LINGO2: variants seen among roughly 807,000 people sequenced by gnomAD.
The protein encoded by LINGO2 is leucine rich repeat and Ig domain containing 2, also known as leucine-rich repeat and immunoglobulin-like domain-containing nogo receptor-interacting protein 2.
In LINGO2, 14 loss-of-function variants were observed where a neutral mutation model predicts 30.6. The ratio of observed to expected loss-of-function variants is 0.46; its 90% CI spans 0.30 to 0.72. The LOEUF is 0.72. Among genes scored for constraint, LINGO2 ranks in the 30% least tolerant of loss-of-function variants. LINGO2 has a pLI of 0.07. For missense variants in LINGO2, 729 were observed against 751.7 expected (o/e 0.97, Z 0.35); for synonymous variants, 317 against 288.5 (o/e 1.10, Z -1.00).
chr9:29,004,317 T>C, the LINGO2 span, among the ~76,000 whole-genome samples: 1 of 151,966 alleles, frequency 6.6e-6, no homozygotes, highest in Non-Finnish European at 1.5e-5. Context: ...GTATTTTATT[T>C]GTATACGTAT....
the LINGO2 span, among the ~76,000 whole-genome samples, chr9:28,804,534 C>CA: frequency 1.9e-5 from 1 of 53,508 alleles, no homozygotes; most frequent in Non-Finnish European, 4.3e-5. Flanking sequence ...GTGTTCACGG[C>CA]AAAAACAAAA....
chr9:28,320,729 T>C (rs1825011074), intron 3 of LINGO2, among the ~76,000 whole-genome samples: 1 of 152,144 alleles, frequency 6.6e-6, no homozygotes, highest in South Asian at 2.1e-4. Flanking sequence ...AAAGATTTCT[T>C]CTCAAAGATC....
At chr9:28,585,969 T>G (rs1824515429) in intron 1 of LINGO2, among the ~76,000 whole-genome samples, 1 of 151,986 alleles carries the variant, frequency 6.6e-6, no homozygotes, top group Admixed American at 6.6e-5. Context: ...GTTTCTGGGT[T>G]GAGCATACCT....
At chr9:28,304,192 T>G (rs1476259748) in intron 3 of LINGO2, among the ~76,000 whole-genome samples, 1 of 151,364 alleles carries the variant, frequency 6.6e-6, no homozygotes, top group Non-Finnish European at 1.5e-5. Context: ...CAAAAAATCC[T>G]TACTGATACA....
At chr9:28,054,793 T>A (rs1249561683) in intron 4 of LINGO2, among the ~76,000 whole-genome samples, 1 of 139,782 alleles carries the variant, frequency 7.2e-6, no homozygotes, top group African/African-American at 2.9e-5. Flanking sequence ...ATAACTTAAT[T>A]TTTAATTTTC....
intron 4 of LINGO2, among the ~76,000 whole-genome samples, chr9:28,107,486 G>A (rs1563979104): frequency 6.6e-6 from 1 of 152,002 alleles, no homozygotes; most frequent in African/African-American, 2.4e-5. Flanking sequence ...GACACTCTAA[G>A]GTTTCTTCTA....
At chr9:27,938,783 G>A in the LINGO2 span, 4 of 152,138 alleles carry the variant, frequency 2.6e-5, no homozygotes, top group Admixed American at 1.3e-4. Context: ...CTTCAGTGAC[G>A]GGCAGCTCGA....
At chr9:28,287,715 T>C (rs1037862741) in intron 4 of LINGO2, among the ~76,000 whole-genome samples, 2 of 152,096 alleles carry the variant, frequency 1.3e-5, no homozygotes, top group African/African-American at 4.8e-5. Context: ...GCTGCCCCCA[T>C]GTTAATTGAA....
the LINGO2 span, among the ~76,000 whole-genome samples, chr9:28,974,231 C>A: frequency 1.3e-5 from 2 of 151,892 alleles, no homozygotes; most frequent in Admixed American, 6.6e-5. Flanking sequence ...ATAGTGAAAC[C>A]CCATCTCTAC....
chr9:28,196,137 A>C lies in LINGO2; in HGVS notation c.-87+99071T>G, dbSNP rs1192177968. Among the ~76,000 whole-genome samples, 3 of 151,842 alleles carry C rather than the reference A, an allele frequency of 2.0e-5. No individual in the cohort carries two copies. In the East Asian group the frequency reaches 5.8e-4, roughly 29 times the overall value. On this transcript the variant is annotated intron_variant, in intron 4 of 5. Coordinates refer to ENST00000379992, the Ensembl canonical transcript of LINGO2. ...AATCTCTTAAAATCAAAATATATGG[A>C]TACTTCTCAAGATACTGAAATATAC...
intron 5 of LINGO2, among the ~76,000 whole-genome samples, chr9:27,958,770 G>GA (rs949724486): frequency 4.5e-5 from 6 of 133,656 alleles, no homozygotes; most frequent in African/African-American, 2.5e-4. Flanking sequence ...CTGTGGTTAA[G>GA]GGGGGACTAC....
At chr9:28,637,282 T>G (rs1827327479) in intron 1 of LINGO2, among the ~76,000 whole-genome samples, 1 of 152,166 alleles carries the variant, frequency 6.6e-6, no homozygotes, top group South Asian at 2.1e-4. Flanking sequence ...TTCTTTTGGC[T>G]TAGGATTGAC....
chr9:28,234,051 C>T (rs1008398180), intron 4 of LINGO2, among the ~76,000 whole-genome samples: 2 of 152,248 alleles, frequency 1.3e-5, no homozygotes, highest in Admixed American at 6.5e-5. Flanking sequence ...TTGAGAAAAA[C>T]AGAGTGAAAA....
chr9:29,075,771 G>T, the LINGO2 span, among the ~76,000 whole-genome samples: 2 of 152,002 alleles, frequency 1.3e-5, no homozygotes, highest in African/African-American at 4.8e-5. Flanking sequence ...AACAAAAAAG[G>T]GAACAAAAAA....
chr9:28,722,016 CA>C, the LINGO2 span, among the ~76,000 whole-genome samples: 1 of 151,694 alleles, frequency 6.6e-6, no homozygotes, highest in Admixed American at 6.6e-5. Context: ...TAATAAAAAC[CA>C]AACAGCCCAA....
chr9:28,967,293 A>C, the LINGO2 span, among the ~76,000 whole-genome samples: 1 of 152,186 alleles, frequency 6.6e-6, no homozygotes, highest in Admixed American at 6.6e-5. Flanking sequence ...ACTTAGGAAA[A>C]TGGCATGAAG....
chr9:28,340,193 T>A (rs1255257901), intron 3 of LINGO2, among the ~76,000 whole-genome samples: 1 of 152,220 alleles, frequency 6.6e-6, no homozygotes, highest in East Asian at 1.9e-4. Flanking sequence ...ATGTAATTTA[T>A]CTGGGTCTCA....
chr9:28,239,954 T>C (rs958588727), intron 4 of LINGO2, among the ~76,000 whole-genome samples: 8 of 152,080 alleles, frequency 5.3e-5, no homozygotes, highest in Non-Finnish European at 1.0e-4. Context: ...TACAAAATCG[T>C]CATATAAAAA....
At position 28,313,092 on chromosome 9, in the gene LINGO2, G is replaced by C. The variant is rs571075010; in HGVS notation, c.-245-17726C>G. Among the ~76,000 whole-genome samples the C allele has an allele frequency of 4.1e-4, 62 of 152,270 alleles. No individual in the cohort carries two copies. The South Asian group carries it at 5.6e-3, about 14-fold the overall frequency. On this transcript the variant is annotated intron_variant, in intron 3 of 5. Coordinates refer to ENST00000379992, the Ensembl canonical transcript of LINGO2. Reference sequence around the variant, plus strand: ...TTTCAACATCTGATGATGACACTTTGCTGAATAAAAGTTTAATCACTCATT... The same window carrying C: ...TTTCAACATCTGATGATGACACTTTCCTGAATAAAAGTTTAATCACTCATT...
Sources: gnomAD v4.1 joint callset for allele counts (sites outside exome capture counted in the v4.1 genomes callset) on GRCh38, gnomAD v4.1.1 for gene constraint, MANE v1.5 for transcripts, NCBI Gene and HGNC (gene_info 2026-07-23, HGNC 2026-07-21) for gene names.